Variants in GPHN observed in about 807,000 individuals in gnomAD.
GPHN encodes the protein gephyrin.
GPHN carries 17 observed loss-of-function variants against 95.5 expected under a neutral mutation model. The observed-to-expected ratio is 0.18, with a 90% CI of 0.12 to 0.27. The LOEUF (loss-of-function observed/expected upper bound fraction) is 0.27, where lower values mean the gene tolerates loss of function less well. Ranked by LOEUF, GPHN falls within the 10% of genes least tolerant of loss-of-function variation. The pLI is 1.00. For missense variants in GPHN, 660 were observed against 978.1 expected (o/e 0.67, Z 4.34); for synonymous variants, 320 against 322.5 (o/e 0.99, Z 0.08).
the GPHN span, chr14:67,582,364 A>C: frequency 5.5e-6 from 7 of 1,284,166 alleles, no homozygotes; most frequent in East Asian, 1.8e-4. This position sits in a 1 kb window ranked among gnomAD's most constrained non-coding sequence, Gnocchi z 5.0. Flanking sequence ...TGACTTCTAC[A>C]GATCAGAGCT....
the GPHN span, among the ~76,000 whole-genome samples, chr14:67,316,512 T>A: frequency 6.6e-6 from 1 of 152,194 alleles, no homozygotes; most frequent in Non-Finnish European, 1.5e-5. Context: ...CCTAGAACCA[T>A]TGTAAGATCC....
chr14:66,742,282 AC>A lies in GPHN; in HGVS notation c.144-34181del, dbSNP rs560312595. Reference sequence around the variant, plus strand: ...AACATTCTGATACATGTTAATTGTTACACTATTTTATCCATTATAAAGCATA... The same window carrying A: ...AACATTCTGATACATGTTAATTGTTAACTATTTTATCCATTATAAAGCATA... On this transcript the variant is annotated intron_variant, in intron 2 of 22. Transcript: ENST00000478722. 4.7e-4 allele frequency among the ~76,000 whole-genome samples: 72 copies of A among 151,874 alleles called. 3 individuals are homozygous for A. The South Asian group carries it at 0.015, about 31-fold the overall frequency.
chr14:66,846,897 A>G (rs143068069), intron 4 of GPHN, among the ~76,000 whole-genome samples: 1,834 of 152,286 alleles, frequency 0.012, 19 homozygotes, highest in Non-Finnish European at 0.018. Flanking sequence ...CAATAATGAA[A>G]ATGTTCAGGA....
chr14:66,999,573 G>A (rs1449639454), intron 9 of GPHN, among the ~76,000 whole-genome samples: 1 of 151,160 alleles, frequency 6.6e-6, no homozygotes, highest in Non-Finnish European at 1.5e-5. Flanking sequence ...TTTGGAATTG[G>A]CTTTACGTTT....
At chr14:67,014,154 A>G (rs1422631023) in intron 9 of GPHN, among the ~76,000 whole-genome samples, 1 of 152,132 alleles carries the variant, frequency 6.6e-6, no homozygotes, top group East Asian at 1.9e-4. Flanking sequence ...TCCAAACAAA[A>G]GGATAATAGT....
At chr14:67,274,151 G>C in the GPHN span, among the ~76,000 whole-genome samples, 2 of 152,010 alleles carry the variant, frequency 1.3e-5, no homozygotes, top group South Asian at 2.1e-4. Flanking sequence ...TCAATTTTGG[G>C]TTTTGTTGCC....
chr14:67,569,029 C>T, the GPHN span: 16 of 668,000 alleles, frequency 2.4e-5, no homozygotes, highest in South Asian at 2.7e-4. Flanking sequence ...AGTCACTGCC[C>T]CCCACAGGTC....
At chr14:67,361,399 T>C in the GPHN span, among the ~76,000 whole-genome samples, 1 of 152,246 alleles carries the variant, frequency 6.6e-6, no homozygotes. Context: ...TGCACAGTAA[T>C]GTTTGTAGAG....
At chr14:67,471,961 G>A in the GPHN span, 1 of 152,322 alleles carries the variant, frequency 6.6e-6, no homozygotes, top group Non-Finnish European at 1.5e-5. Flanking sequence ...TGAGGAGTGA[G>A]AGTCAGAGCC....
At chr14:66,602,518 T>C (rs1398119843) in intron 1 of GPHN, among the ~76,000 whole-genome samples, 1 of 152,016 alleles carries the variant, frequency 6.6e-6, no homozygotes, top group African/African-American at 2.4e-5. Flanking sequence ...TTGACACATA[T>C]AACTTGAAAT....
intron 4 of GPHN, among the ~76,000 whole-genome samples, chr14:66,867,052 G>T (rs1054893361): frequency 6.6e-6 from 1 of 151,308 alleles, no homozygotes. Flanking sequence ...TTTAAATATT[G>T]TACAATTTGA....
the GPHN span, among the ~76,000 whole-genome samples, chr14:67,662,000 C>CA: frequency 2.6e-5 from 4 of 151,856 alleles, no homozygotes; most frequent in Non-Finnish European, 5.9e-5. Flanking sequence ...ACTGAAAATA[C>CA]AAAAAAACAG....
At chr14:67,036,500 T>TACACACACACACACACACACACAC (rs2074427603) in intron 10 of GPHN, among the ~76,000 whole-genome samples, 1 of 59,130 alleles carries the variant, frequency 1.7e-5, no homozygotes, top group African/African-American at 1.7e-4. Flanking sequence ...TATACATACA[T>TACACACACACACACACACACACAC]GCACACACAC....
the GPHN span, among the ~76,000 whole-genome samples, chr14:67,544,773 G>A: frequency 6.6e-6 from 1 of 152,212 alleles, no homozygotes; most frequent in East Asian, 1.9e-4. Context: ...TAGGCACCAT[G>A]GAAGATAGAC....
At chr14:67,086,315 G>A (rs1238331444) in intron 11 of GPHN, among the ~76,000 whole-genome samples, 1 of 152,180 alleles carries the variant, frequency 6.6e-6, no homozygotes, top group Non-Finnish European at 1.5e-5. Flanking sequence ...AGTGGGTAGA[G>A]GGAACATGAG....
chr14:67,499,485 A>C, the GPHN span, among the ~76,000 whole-genome samples: 1 of 152,240 alleles, frequency 6.6e-6, no homozygotes, highest in Admixed American at 6.5e-5. Context: ...TTATCTCTAC[A>C]GGCCAGGGAA....
At chr14:67,112,483 C>T (rs531750715) in intron 15 of GPHN, among the ~76,000 whole-genome samples, 84 of 152,302 alleles carry the variant, frequency 5.5e-4, no homozygotes, top group Middle Eastern at 3.4e-3. Context: ...TCTCCCATCC[C>T]TATGGCAGCA....
chr14:66,869,835 T>G (rs2063363082), intron 4 of GPHN, among the ~76,000 whole-genome samples: 1 of 152,214 alleles, frequency 6.6e-6, no homozygotes. Flanking sequence ...CTCCATTATA[T>G]TCATAAGTAC....
At chr14:66,538,643 A>G (rs1363587970) in intron 1 of GPHN, among the ~76,000 whole-genome samples, 1 of 151,426 alleles carries the variant, frequency 6.6e-6, no homozygotes, top group Non-Finnish European at 1.5e-5. Flanking sequence ...CCATCCTTTT[A>G]TAAATTTTAT....
Sources: allele counts gnomAD v4.1 joint callset (sites outside exome capture counted in the v4.1 genomes callset), GRCh38; gene constraint gnomAD v4.1.1; non-coding constraint Gnocchi (gnomAD v3.1); transcripts MANE v1.5; gene names NCBI Gene and HGNC (gene_info 2026-07-23, HGNC 2026-07-21).